Variants in ADGRG6 observed in about 807,000 individuals in gnomAD.
ADGRG6 encodes the protein adhesion G protein-coupled receptor G6.
Under a neutral mutation model 142.4 loss-of-function variants are expected in ADGRG6, and 84 were observed. That is an observed-to-expected ratio of 0.59 (90% confidence interval 0.49 to 0.71). The LOEUF is 0.71. ADGRG6 is among the 30% of genes least tolerant of loss of function. ADGRG6 has a pLI of 0.00. For missense variants in ADGRG6, 1,367 were observed against 1,466.6 expected (o/e 0.93, Z 1.11); for synonymous variants, 521 against 520.5 (o/e 1.00, Z -0.01).
intron 10 of ADGRG6, 36 bp from the exon 11 acceptor site, chr6:142,400,449 T>C (rs1294935283): frequency 2.0e-6 from 2 of 984,204 alleles, no homozygotes; most frequent in African/African-American, 3.2e-5. Context: ...AAAAAATAGG[T>C]GAATATTTCT....
chr6:142,416,006 T>TA lies in ADGRG6; in HGVS notation c.2883dup (p.Val962SerfsTer3). 3.1e-6 allele frequency: 5 copies of TA among 1,611,746 alleles called. No individual in the cohort carries two copies. Among genetic ancestry groups the TA allele is most frequent in the Non-Finnish European group, 3.4e-6 (4 of 1,177,994 alleles). On this transcript the variant is annotated frameshift_variant, in exon 20 of 25. Coordinates refer to ENST00000367609, the MANE Select transcript of ADGRG6 (RefSeq NM_198569.3). LOFTEE classifies it high-confidence loss of function. ...CAATTCACATGTACATTGCTCTAGT[T>TA]AAAGTATTTAACACTTACATTCGCC...
At chr6:142,309,506 A>G (rs1777655883) in intron 1 of ADGRG6, 38 bp from the exon 2 acceptor site, 1 of 1,385,016 alleles carries the variant, frequency 7.2e-7, no homozygotes, top group Admixed American at 1.8e-5. Flanking sequence ...GCTTTACTGA[A>G]TGTTGAATGT....
chr6:142,438,295 A>G lies in ADGRG6; in HGVS notation c.3505A>G (p.Asn1169Asp). ...KSLSSSSIGS[N>D]STYLTSKSKS... ...TTTGTCTTCAAGCTCCATTGGTTCC[A>G]ACTCAACCTATCTTACATCCAAATC... The change falls in exon 24 of 25, where the codon AAC becomes GAC. Residue 1169 changes from asparagine to aspartate, a missense_variant. Around this residue, in one of 3 missense-constraint regions of ADGRG6, gnomAD observed 344 missense variants for 348.7 expected, o/e 0.99. Coordinates refer to ENST00000367609, the MANE Select transcript of ADGRG6 (RefSeq NM_198569.3). 6.2e-7 allele frequency: 1 copy of G among 1,607,626 alleles called. No homozygotes were observed. Among genetic ancestry groups the G allele is most frequent in the Non-Finnish European group, 8.5e-7 (1 of 1,175,722 alleles).
intron 6 of ADGRG6, among the ~76,000 whole-genome samples, chr6:142,388,958 T>C (rs777556885): frequency 1.3e-5 from 2 of 152,070 alleles, no homozygotes; most frequent in Non-Finnish European, 2.9e-5. Context: ...ATATGAATTA[T>C]TTGTTTTATA....
chr6:142,314,847 A>G (rs1361586038), intron 2 of ADGRG6, among the ~76,000 whole-genome samples: 3 of 152,130 alleles, frequency 2.0e-5, no homozygotes, highest in Non-Finnish European at 4.4e-5. Flanking sequence ...TAATTGTCCA[A>G]AGATAAACCT....
chr6:142,397,785 T>A, intron 10 of ADGRG6, 30 bp downstream of exon 10: 1 of 1,406,670 alleles, frequency 7.1e-7, no homozygotes, highest in Non-Finnish European at 9.6e-7. Context: ...ATAATATGCA[T>A]TTTATACAAC....
intron 2 of ADGRG6, among the ~76,000 whole-genome samples, chr6:142,363,079 AT>A (rs1227079144): frequency 6.6e-6 from 1 of 152,186 alleles, no homozygotes; most frequent in African/African-American, 2.4e-5. Context: ...ATTAGCTGCA[AT>A]TTTATATATG....
intron 1 of ADGRG6, 53 bp downstream of exon 1, chr6:142,302,384 C>A: frequency 6.3e-7 from 1 of 1,592,048 alleles, no homozygotes; most frequent in Non-Finnish European, 8.6e-7. Flanking sequence ...CTGTGTCCAC[C>A]TTCTGTCGCC....
At chr6:142,348,201 A>G (rs9496346) in intron 2 of ADGRG6, among the ~76,000 whole-genome samples, 62,621 of 151,884 alleles carry the variant, frequency 0.41, 15,185 homozygotes, top group African/African-American at 0.68. Context: ...ACAAACATGA[A>G]TGATAGGTTT....
At chr6:142,381,914 TAAATC>T (rs1341293954) in intron 4 of ADGRG6, 32 bp from the exon 5 acceptor site, 1 of 1,335,152 alleles carries the variant, frequency 7.5e-7, no homozygotes, top group African/African-American at 1.4e-5. Flanking sequence ...CACTAAATCA[TAAATC>T]AAACTTACAT....
chr6:142,350,277 A>C (rs1214685606), intron 2 of ADGRG6, among the ~76,000 whole-genome samples: 1 of 152,224 alleles, frequency 6.6e-6, no homozygotes, highest in South Asian at 2.1e-4. Context: ...TGCATTTATC[A>C]TAGTTGGGAA....
At chr6:142,371,141 CAAAAG>C (rs1254009039) in intron 4 of ADGRG6, among the ~76,000 whole-genome samples, 4 of 151,884 alleles carry the variant, frequency 2.6e-5, no homozygotes, top group African/African-American at 9.7e-5. Context: ...AGGCTTGAAA[CAAAAG>C]AAATTAATAA....
At chr6:142,349,841 T>G (rs1371241841) in intron 2 of ADGRG6, among the ~76,000 whole-genome samples, 1 of 152,226 alleles carries the variant, frequency 6.6e-6, no homozygotes, top group Non-Finnish European at 1.5e-5. Flanking sequence ...AAAGCTCATT[T>G]TTTTTCATAA....
At chr6:142,351,062 C>T (rs1421613239) in intron 2 of ADGRG6, among the ~76,000 whole-genome samples, 5 of 151,896 alleles carry the variant, frequency 3.3e-5, no homozygotes, top group East Asian at 1.9e-4. Flanking sequence ...GGTGAAACCC[C>T]GTCTCTACTA....
chr6:142,443,078 T>C (rs910237842), intron 24 of ADGRG6, among the ~76,000 whole-genome samples: 4 of 152,218 alleles, frequency 2.6e-5, no homozygotes, highest in Non-Finnish European at 5.9e-5. Context: ...TTGGCTCTGC[T>C]ACATTCAAGA....
At chr6:142,396,198 G>A (rs1338229974) in intron 9 of ADGRG6, among the ~76,000 whole-genome samples, 1 of 152,128 alleles carries the variant, frequency 6.6e-6, no homozygotes, top group Admixed American at 6.6e-5. Context: ...CAACTGGAGT[G>A]GCGAAGCTTG....
intron 24 of ADGRG6, 66 bp downstream of exon 24, chr6:142,438,430 TGAA>T: frequency 9.2e-7 from 1 of 1,090,236 alleles, no homozygotes. Flanking sequence ...TGGCATATCA[TGAA>T]GATTGATAAA....
intron 2 of ADGRG6, among the ~76,000 whole-genome samples, chr6:142,352,356 T>A (rs1248992059): frequency 6.6e-6 from 1 of 152,172 alleles, no homozygotes; most frequent in Non-Finnish European, 1.5e-5. Flanking sequence ...AGTGAACTAA[T>A]GTAGGTACAG....
Position 142,438,218 on chromosome 6 carries a change from G to A in ADGRG6, c.3428G>A (p.Ser1143Asn). 1 of 1,586,760 alleles carries A rather than the reference G, an allele frequency of 6.3e-7. No individual in the cohort carries two copies. The highest frequency in any genetic ancestry group is 1.4e-5 in the African/African-American group (1 of 73,668). ...ATGTCATTTTTTTTTTCAGATTGGA[G>A]TAAGACAGCTACCAATATCATCAAG... ...RFRLADNSDWSKTATNIIKKS... is the reference protein window; with the variant it reads ...RFRLADNSDWNKTATNIIKKS... The change falls in exon 24 of 25, where the codon AGT becomes AAT. Residue 1143 changes from serine (S) to asparagine (N), a missense_variant. Physicochemically the swap from Ser to Asn is conservative, Grantham distance 46. Transcript: ENST00000367609.
Sources: allele counts gnomAD v4.1 joint callset (sites outside exome capture counted in the v4.1 genomes callset), GRCh38; gene constraint gnomAD v4.1.1; regional missense constraint gnomAD v4.1.1; transcripts MANE v1.5; gene names NCBI Gene and HGNC (gene_info 2026-07-23, HGNC 2026-07-21).